Variants in ANK3 observed in about 807,000 individuals in gnomAD.
ANK3 encodes the protein ankyrin-3.
In ANK3, 57 loss-of-function variants were observed where a neutral mutation model predicts 370.9. The observed-to-expected ratio is 0.15, with a 90% CI of 0.12 to 0.19. The LOEUF (loss-of-function observed/expected upper bound fraction) is 0.19, where lower values mean the gene tolerates loss of function less well. Ranked by LOEUF, ANK3 falls within the 10% of genes least tolerant of loss-of-function variation. The pLI, the probability that ANK3 is intolerant of heterozygous loss-of-function variation, is 1.00. For missense variants in ANK3, 4,439 were observed against 5,302.1 expected, an observed-to-expected ratio of 0.84 and a Z score of 5.06; for synonymous variants, 1,929 against 1,946.3, an observed-to-expected ratio of 0.99 and a Z score of 0.23.
chr10:60,262,652 G>A (rs1204844033), intron 6 of ANK3, among the ~76,000 whole-genome samples: 1 of 152,166 alleles, frequency 6.6e-6, no homozygotes, highest in East Asian at 1.9e-4. Context: ...AAGCTTCTTA[G>A]CCATGCTAGC....
At chr10:60,575,630 C>T (rs1274986413) in intron 2 of ANK3, among the ~76,000 whole-genome samples, 1 of 152,040 alleles carries the variant, frequency 6.6e-6, no homozygotes, top group African/African-American at 2.4e-5. Context: ...AAGTTCCAGA[C>T]TTTTTAAAAG....
At chr10:60,362,402 C>A (rs2058746162) in intron 1 of ANK3, among the ~76,000 whole-genome samples, 1 of 152,102 alleles carries the variant, frequency 6.6e-6, no homozygotes, top group African/African-American at 2.4e-5. Flanking sequence ...TTTCAGAAAA[C>A]CGCACTGATT....
intron 8 of ANK3, among the ~76,000 whole-genome samples, chr10:60,225,203 G>A (rs920648263): frequency 2.0e-5 from 3 of 152,044 alleles, no homozygotes; most frequent in African/African-American, 4.8e-5. Flanking sequence ...ATGAGCCACC[G>A]CACCCAGCCA....
At chr10:60,294,634 C>A (rs149870625) in intron 1 of ANK3, among the ~76,000 whole-genome samples, 2 of 152,000 alleles carry the variant, frequency 1.3e-5, no homozygotes, top group Non-Finnish European at 2.9e-5. Flanking sequence ...TTTTAGGAGG[C>A]CTTGCTGAAA....
chr10:60,572,501 A>G (rs2077624603), intron 2 of ANK3: 2 of 1,535,636 alleles, frequency 1.3e-6, no homozygotes, highest in South Asian at 2.4e-5. Context: ...CAGGTTTTGC[A>G]TTTTTCTCCT....
chr10:60,056,666 G>C (rs1382894596), intron 41 of ANK3, among the ~76,000 whole-genome samples: 3 of 152,054 alleles, frequency 2.0e-5, no homozygotes, highest in Non-Finnish European at 4.4e-5. Flanking sequence ...GACATACCTA[G>C]AGTTCCAAGC....
chr10:60,573,232 T>G (rs1391215128), intron 2 of ANK3, among the ~76,000 whole-genome samples: 1 of 152,184 alleles, frequency 6.6e-6, no homozygotes, highest in Non-Finnish European at 1.5e-5. Flanking sequence ...TACTCTTTTT[T>G]TTTTAATGTG....
chr10:60,070,971 G>T lies in ANK3; in HGVS notation c.9910C>A (p.Pro3304Thr). 1 of 1,614,120 alleles carries T rather than the reference G, an allele frequency of 6.2e-7. No homozygotes were observed. Among genetic ancestry groups the T allele is most frequent in the Non-Finnish European group, 8.5e-7 (1 of 1,180,014 alleles). ...GCCCCGGGAGGAACTGGTGAAGGTGGCTGCACTCTAATGACAGGTTCAGCC... is the reference window on the plus strand; with the variant it reads ...GCCCCGGGAGGAACTGGTGAAGGTGTCTGCACTCTAATGACAGGTTCAGCC... ...QLAEPVIRVQPPSPVPPGADV... is the reference protein window; with the variant it reads ...QLAEPVIRVQTPSPVPPGADV... The change falls in exon 37 of 44, where the codon CCA becomes ACA. Residue 3304 changes from proline (P) to threonine (T), a missense_variant. Around this residue, in one of 13 missense-constraint regions of ANK3, gnomAD observed 1,601 missense variants for 1,731.7 expected, o/e 0.92. Transcript: ENST00000280772. This position sits in a 1 kb window ranked among gnomAD's most constrained non-coding sequence, Gnocchi z 5.7.
At chr10:60,095,368 G>T (rs1287591073) in intron 28 of ANK3, among the ~76,000 whole-genome samples, 1 of 152,134 alleles carries the variant, frequency 6.6e-6, no homozygotes, top group African/African-American at 2.4e-5. Context: ...ACTGGTTATT[G>T]TTTGTTCTTT....
At chr10:60,593,171 A>C (rs1172719770) in intron 2 of ANK3, among the ~76,000 whole-genome samples, 4 of 152,220 alleles carry the variant, frequency 2.6e-5, no homozygotes, top group African/African-American at 9.6e-5. Flanking sequence ...ACTGATATTT[A>C]AGTGAATACA....
intron 23 of ANK3, among the ~76,000 whole-genome samples, chr10:60,148,486 C>T (rs1185936120): frequency 6.6e-6 from 1 of 152,096 alleles, no homozygotes; most frequent in African/African-American, 2.4e-5. Context: ...CCACAAAGAA[C>T]AGAATAAAGA....
chr10:60,351,826 C>T (rs2132699967), intron 1 of ANK3, among the ~76,000 whole-genome samples: 1 of 152,192 alleles, frequency 6.6e-6, no homozygotes, highest in East Asian at 1.9e-4. Flanking sequence ...TGTAAAGGTA[C>T]ACCTCCCTGT....
At chr10:60,598,769 A>G (rs964785679) in intron 2 of ANK3, among the ~76,000 whole-genome samples, 3 of 152,218 alleles carry the variant, frequency 2.0e-5, no homozygotes, top group African/African-American at 7.2e-5. Flanking sequence ...ACTATGACAT[A>G]AAAGCAATTC....
rs538198644 is a variant in ANK3, at chr10:60,433,197, C to T, written c.97-153558G>A. 7.2e-5 allele frequency among the ~76,000 whole-genome samples: 11 copies of T among 152,262 alleles called. No homozygotes were observed. In the South Asian group the frequency reaches 2.3e-3, roughly 32 times the overall value. ...GTAACACCAGGCATGGTGGTTCTTG[C>T]CTGTAATCCCAGCACTTTGGGAGGC... On this transcript the variant is annotated intron_variant, in intron 2 of 43. Coordinates refer to the ANK3 transcript ENST00000373827.
At chr10:60,299,539 A>C (rs2043247700) in intron 1 of ANK3, among the ~76,000 whole-genome samples, 1 of 152,200 alleles carries the variant, frequency 6.6e-6, no homozygotes, top group African/African-American at 2.4e-5. Flanking sequence ...TAACTGTGTA[A>C]CATCACACAG....
chr10:60,400,617 T>C, intron 2 of ANK3, among the ~76,000 whole-genome samples: 1 of 152,322 alleles, frequency 6.6e-6, no homozygotes, highest in African/African-American at 2.4e-5. Context: ...AGGTGCAGTC[T>C]GCAGGTGCAG....
intron 1 of ANK3, among the ~76,000 whole-genome samples, chr10:60,300,778 G>C (rs900634105): frequency 3.9e-5 from 6 of 152,042 alleles, no homozygotes; most frequent in Admixed American, 1.3e-4. Flanking sequence ...TCCTTCTAAA[G>C]ACAATACCAC....
At position 60,671,713 on chromosome 10, in the gene ANK3, T is replaced by C. The variant is rs112763928; in HGVS notation, c.58-56489A>G. Among the ~76,000 whole-genome samples, 146 of 152,274 alleles carry C rather than the reference T, an allele frequency of 9.6e-4. 1 individual carries two copies. Among genetic ancestry groups the C allele is most frequent in the Middle Eastern group, 6.8e-3 (2 of 294 alleles). ...CCTTATGAGGTTAAGTTATAAGATA[T>C]TGCAATCTCCATCTTACTCTCTAGG... is the stretch of plus-strand genomic sequence containing the variant. On this transcript the variant is annotated intron_variant, in intron 1 of 43. Transcript: ENST00000373827.
chr10:60,581,579 C>A (rs2077753723), intron 2 of ANK3, among the ~76,000 whole-genome samples: 1 of 151,798 alleles, frequency 6.6e-6, no homozygotes, highest in African/African-American at 2.4e-5. Context: ...CACCTGCCAC[C>A]ATGCCTGGCT....
Sources: gnomAD v4.1 joint callset for allele counts (sites outside exome capture counted in the v4.1 genomes callset) on GRCh38, gnomAD v4.1.1 for gene constraint, gnomAD v4.1.1 regional missense constraint, Gnocchi (gnomAD v3.1) non-coding constraint, MANE v1.5 for transcripts, NCBI Gene and HGNC (gene_info 2026-07-23, HGNC 2026-07-21) for gene names.